The following ATG7 variants were observed in gnomAD, a reference collection of about 807,000 sequenced individuals.
The protein encoded by ATG7 is autophagy related 7.
In ATG7, 70 loss-of-function variants were observed where a neutral mutation model predicts 82.4. That is an observed-to-expected ratio of 0.85 (90% CI 0.70 to 1.04). The LOEUF (loss-of-function observed/expected upper bound fraction) is 1.04. Among genes scored for constraint, ATG7 ranks in the 50% least tolerant of loss-of-function variants. The pLI is 0.00. For missense variants in ATG7, 792 were observed against 864.3 expected, an observed-to-expected ratio of 0.92 and a Z score of 1.05; for synonymous variants, 287 against 313.0, an observed-to-expected ratio of 0.92 and a Z score of 0.88.
chr3:11,352,807 T>G (rs975585711), intron 14 of ATG7, among the ~76,000 whole-genome samples: 1 of 152,178 alleles, frequency 6.6e-6, no homozygotes, highest in East Asian at 1.9e-4. Flanking sequence ...GAAAGCCTTC[T>G]TAAGGAAGTA....
intron 20 of ATG7, among the ~76,000 whole-genome samples, chr3:11,552,406 T>C (rs555741580): frequency 2.0e-5 from 3 of 152,310 alleles, no homozygotes; most frequent in African/African-American, 7.2e-5. Context: ...TAAGAGGACA[T>C]TCACTGTGCC....
rs148664880 is a variant in ATG7 at position 11,485,417 on chromosome 3, G to A, written c.2079+58491G>A. Among the ~76,000 whole-genome samples the A allele has an allele frequency of 3.5e-4, 53 of 152,252 alleles. No individual in the cohort carries two copies. The East Asian group carries it at 8.5e-3, about 24-fold the overall frequency. On this transcript the variant is annotated intron_variant, in intron 20 of 20. Transcript: ENST00000693202. ...GTTTTTTTCTTGTAAATTTGTTTGA[G>A]TTCATTGTAGATTCTGGACATTAGC...
At chr3:11,442,481 TGAACG>T (rs2084074282) in intron 20 of ATG7, among the ~76,000 whole-genome samples, 3 of 152,154 alleles carry the variant, frequency 2.0e-5, no homozygotes, top group Non-Finnish European at 4.4e-5. Flanking sequence ...CATAGGCCTT[TGAACG>T]TAAATATCTT....
At chr3:11,356,111 A>G (rs768290167) in intron 14 of ATG7, among the ~76,000 whole-genome samples, 8 of 152,184 alleles carry the variant, frequency 5.3e-5, no homozygotes, top group Non-Finnish European at 7.3e-5. Context: ...AGTCTAATCT[A>G]TGGCTTATGA....
At position 11,355,197 on chromosome 3, in the gene ATG7, T is replaced by A. The variant is rs2075850625; in HGVS notation, c.1285-3221T>A. Among the ~76,000 whole-genome samples, 5 of 152,272 alleles carry A rather than the reference T, an allele frequency of 3.3e-5. 1 individual carries two copies. The South Asian group carries it at 1.0e-3, about 32-fold the overall frequency. On this transcript the variant is annotated intron_variant, in intron 14 of 20. Coordinates refer to ENST00000693202, the MANE Select transcript of ATG7 (RefSeq NM_001349232.2). ...ATGAGCAGAATGGAGATTCCAGAGT[T>A]CACACGAGCTGGGAGACACTGGAGT...
At chr3:11,481,238 T>A (rs564935916) in intron 20 of ATG7, among the ~76,000 whole-genome samples, 39 of 152,332 alleles carry the variant, frequency 2.6e-4, no homozygotes, top group Non-Finnish European at 4.6e-4. Flanking sequence ...CTGAGATGGA[T>A]GGTGGTGACG....
chr3:11,429,265 G>T (rs575793412), intron 20 of ATG7, among the ~76,000 whole-genome samples: 1 of 152,094 alleles, frequency 6.6e-6, no homozygotes. Context: ...GGAGGCCGAG[G>T]GGGGCAGATC....
chr3:11,561,496 T>G (rs967815664), downstream of ATG7, among the ~76,000 whole-genome samples: 1 of 152,146 alleles, frequency 6.6e-6, no homozygotes, highest in Non-Finnish European at 1.5e-5. Flanking sequence ...CAACCCAGGC[T>G]GCAGGGTGGC....
chr3:11,301,216 A>G (rs747163180), intron 5 of ATG7, among the ~76,000 whole-genome samples: 7 of 152,316 alleles, frequency 4.6e-5, no homozygotes, highest in African/African-American at 1.2e-4. Flanking sequence ...TGATTAAGTC[A>G]TTGTGGTCCT....
At chr3:11,495,019 C>G (rs896745299) in intron 20 of ATG7, among the ~76,000 whole-genome samples, 2 of 152,002 alleles carry the variant, frequency 1.3e-5, no homozygotes, top group Non-Finnish European at 2.9e-5. Context: ...TTGCAGTGAG[C>G]CGAGATTGCA....
chr3:11,298,128 G>A (rs961802229), intron 3 of ATG7, among the ~76,000 whole-genome samples: 4 of 151,800 alleles, frequency 2.6e-5, no homozygotes, highest in East Asian at 3.9e-4. Flanking sequence ...GTAGTGAGCC[G>A]AGATTGCACC....
intron 18 of ATG7, among the ~76,000 whole-genome samples, chr3:11,370,529 C>A (rs2076926184): frequency 6.6e-6 from 1 of 151,166 alleles, no homozygotes; most frequent in Admixed American, 6.6e-5. Context: ...GAACTCCAAG[C>A]TTTAGAAATA....
chr3:11,480,595 A>G (rs894095021), intron 20 of ATG7, among the ~76,000 whole-genome samples: 18 of 152,132 alleles, frequency 1.2e-4, no homozygotes, highest in African/African-American at 4.3e-4. Flanking sequence ...AAACCTTACA[A>G]TCTGTGCTCA....
At chr3:11,529,473 CA>C in intron 20 of ATG7, 1 of 153,176 alleles carries the variant, frequency 6.5e-6, no homozygotes. Flanking sequence ...GGGCCTTCTT[CA>C]AAATCAGGAC....
At chr3:11,380,450 A>G (rs958922191) in intron 19 of ATG7, among the ~76,000 whole-genome samples, 4 of 152,190 alleles carry the variant, frequency 2.6e-5, no homozygotes, top group Non-Finnish European at 4.4e-5. Context: ...GCAGATCCAC[A>G]TAATTACAAA....
At chr3:11,549,413 T>C (rs1156274758) in intron 20 of ATG7, among the ~76,000 whole-genome samples, 1 of 152,188 alleles carries the variant, frequency 6.6e-6, no homozygotes, top group African/African-American at 2.4e-5. Flanking sequence ...TCCAGCATGA[T>C]TAACAGTAGT....
chr3:11,525,000 G>C (rs1468199102), intron 20 of ATG7, among the ~76,000 whole-genome samples: 1 of 151,768 alleles, frequency 6.6e-6, no homozygotes, highest in Non-Finnish European at 1.5e-5. Flanking sequence ...GAAATTTAAG[G>C]GTATTTATTC....
intron 3 of ATG7, among the ~76,000 whole-genome samples, chr3:11,283,809 G>A (rs893271785): frequency 1.3e-5 from 2 of 152,272 alleles, no homozygotes; most frequent in Non-Finnish European, 2.9e-5. Flanking sequence ...GCGCATGCCT[G>A]TAATCCCAGC....
At chr3:11,470,864 T>C (rs1174606247) in intron 20 of ATG7, among the ~76,000 whole-genome samples, 1 of 152,164 alleles carries the variant, frequency 6.6e-6, no homozygotes, top group Admixed American at 6.5e-5. Flanking sequence ...CGGCATTTAT[T>C]ACTTTCTTGC....
Sources: gnomAD v4.1 joint callset for allele counts (sites outside exome capture counted in the v4.1 genomes callset) on GRCh38, gnomAD v4.1.1 for gene constraint, MANE v1.5 for transcripts, NCBI Gene and HGNC (gene_info 2026-07-23, HGNC 2026-07-21) for gene names.